PTH2R: variants seen among roughly 807,000 people sequenced by gnomAD.
PTH2R encodes PTH2 receptor.
PTH2R carries 59 observed loss-of-function variants against 60.3 expected under a neutral mutation model. The observed-to-expected ratio is 0.98, with a 90% CI of 0.79 to 1.22. PTH2R has a LOEUF of 1.22. Among genes scored for constraint, PTH2R ranks in the 50% most tolerant of loss-of-function variants. PTH2R has a pLI of 0.00. For missense variants in PTH2R, 749 were observed against 682.6 expected (o/e 1.10, Z -1.08); for synonymous variants, 256 against 243.8 (o/e 1.05, Z -0.47).
At chr2:208,491,753 T>A (rs1348266590) in intron 12 of PTH2R, among the ~76,000 whole-genome samples, 1 of 151,154 alleles carries the variant, frequency 6.6e-6, no homozygotes, top group Non-Finnish European at 1.5e-5. Context: ...GGACCCACTG[T>A]TTTACTGGGG....
chr2:208,374,829 C>A (rs1014434137), intron 1 of PTH2R, among the ~76,000 whole-genome samples: 3 of 151,982 alleles, frequency 2.0e-5, no homozygotes, highest in African/African-American at 7.3e-5. Context: ...TTTTTAAAAG[C>A]AACTAAACCA....
In PTH2R at chr2:208,448,491, G is replaced by A. The variant is rs1251928587; in HGVS notation, c.854-2258G>A. Among the ~76,000 whole-genome samples, 4 of 151,052 alleles carry A rather than the reference G, an allele frequency of 2.6e-5. No individual in the cohort carries two copies. In the South Asian group the frequency reaches 6.3e-4, roughly 24 times the overall value. On this transcript the variant is annotated intron_variant, in intron 7 of 12. Coordinates refer to ENST00000272847, the MANE Select transcript of PTH2R (RefSeq NM_005048.4). The stretch of plus-strand genomic sequence containing the variant: ...TGGTGAAACCCCGTCTCTACTAGCC[G>A]GGCGTGGCAGCGTGCGCCTGCAGTC...
At chr2:208,365,952 ATATATATATTTTTTTTTTTTTTTT>A (rs1700579303) in intron 1 of PTH2R, among the ~76,000 whole-genome samples, 1 of 19,410 alleles carries the variant, frequency 5.2e-5, no homozygotes, top group Admixed American at 9.3e-4. Flanking sequence ...ATATATATAT[ATATATATATTTTTTTTTTTTTTTT>A]TTTTTTTTTT....
At position 208,443,522 on chromosome 2, in the gene PTH2R, G is replaced by T. The variant is rs766565665; in HGVS notation, c.684G>T (p.Val228=). 1.9e-6 allele frequency: 3 copies of T among 1,604,814 alleles called. No homozygotes were observed. The African/African-American group carries it at 4.0e-5, about 22-fold the overall frequency. ...DPQNSIEATS[V]DKSQYIGCKI... is the part of the protein sequence containing the mutation. The stretch of plus-strand genomic sequence containing the variant: ...AAAATTCCATTGAGGCAACTTCTGT[G>T]GACAAATCACAATATGTAAGTGTTT... Residue 228 remains valine, a synonymous_variant, in exon 6 of 13, where the codon GTG becomes GTT. Coordinates refer to ENST00000272847, the MANE Select transcript of PTH2R (RefSeq NM_005048.4).
At chr2:208,383,234 C>T (rs971979899) in intron 1 of PTH2R, among the ~76,000 whole-genome samples, 2 of 152,052 alleles carry the variant, frequency 1.3e-5, no homozygotes, top group African/African-American at 4.8e-5. Context: ...AAAGTAAGGA[C>T]GAATTTCCTT....
At chr2:208,425,634 C>T (rs1405856989) in intron 1 of PTH2R, among the ~76,000 whole-genome samples, 1 of 152,208 alleles carries the variant, frequency 6.6e-6, no homozygotes, top group Non-Finnish European at 1.5e-5. Flanking sequence ...TCAAACACCA[C>T]CAGCTTGTCT....
chr2:208,404,730 G>A (rs777375958), upstream of PTH2R, among the ~76,000 whole-genome samples: 1 of 152,096 alleles, frequency 6.6e-6, no homozygotes. Context: ...TCGCCTTGGG[G>A]AGTACCTTTT....
chr2:208,399,536 C>CGGCGACCA, intron 1 of PTH2R, among the ~76,000 whole-genome samples: 1 of 151,978 alleles, frequency 6.6e-6, no homozygotes, highest in East Asian at 1.9e-4. Flanking sequence ...TGATTAAAAA[C>CGGCGACCA]CCTAGACACC....
At position 208,481,108 on chromosome 2, in the gene PTH2R, A is replaced by G; in HGVS notation, c.1020A>G (p.Leu340=). Residue 340 remains leucine (L), a synonymous_variant, in exon 10 of 13, where the codon CTA becomes CTG. Transcript: ENST00000272847. ...TGTTTCTGAATACGGTTAGAGTTCT[A>G]GCTACCAAAATCTGGGAGACCAATG... is the stretch of plus-strand genomic sequence containing the variant. The part of the protein sequence containing the change: ...FILFLNTVRV[L]ATKIWETNAV... 6.2e-7 allele frequency: 1 copy of G among 1,612,238 alleles called. No individual in the cohort carries two copies. Among genetic ancestry groups the G allele is most frequent in the South Asian group, 1.1e-5 (1 of 90,876 alleles).
chr2:208,447,900 C>T (rs1702321845), intron 7 of PTH2R, among the ~76,000 whole-genome samples: 1 of 152,048 alleles, frequency 6.6e-6, no homozygotes, highest in African/African-American at 2.4e-5. Flanking sequence ...TTCAACTACA[C>T]ATTTTCCTCT....
At chr2:208,421,208 C>G (rs1701748464) in intron 1 of PTH2R, among the ~76,000 whole-genome samples, 1 of 152,134 alleles carries the variant, frequency 6.6e-6, no homozygotes, top group Non-Finnish European at 1.5e-5. Flanking sequence ...TTTCTTAAAT[C>G]ATTTTCAGTT....
At chr2:208,394,505 G>C (rs1442328975) in intron 1 of PTH2R, among the ~76,000 whole-genome samples, 1 of 152,314 alleles carries the variant, frequency 6.6e-6, no homozygotes, top group Admixed American at 6.5e-5. Flanking sequence ...GGACACCCAT[G>C]ACTGCAGGCA....
At chr2:208,428,420 A>C in intron 2 of PTH2R, 117 bp downstream of exon 2, 2 of 694,608 alleles carry the variant, frequency 2.9e-6, no homozygotes, top group Non-Finnish European at 5.0e-6. Context: ...CCACATTTCC[A>C]TGTGGAGGGG....
At chr2:208,370,336 G>T (rs144269776) in intron 1 of PTH2R, among the ~76,000 whole-genome samples, 1 of 147,382 alleles carries the variant, frequency 6.8e-6, no homozygotes. Context: ...CCAGCTACTT[G>T]GGAGGCTGAG....
At chr2:208,428,179 T>G (rs768346230) in intron 1 of PTH2R, 22 bp from the exon 2 acceptor site, 1 of 1,543,522 alleles carries the variant, frequency 6.5e-7, no homozygotes, top group Non-Finnish European at 8.9e-7. Flanking sequence ...TGAAAATGTT[T>G]GTATTTTGTT....
At chr2:208,453,924 G>A (rs1702458582) in intron 8 of PTH2R, among the ~76,000 whole-genome samples, 1 of 152,100 alleles carries the variant, frequency 6.6e-6, no homozygotes, top group Non-Finnish European at 1.5e-5. Context: ...AACTTTTAAG[G>A]CCCGATCATT....
At chr2:208,478,626 T>A (rs1269119181) in intron 9 of PTH2R, among the ~76,000 whole-genome samples, 1 of 152,254 alleles carries the variant, frequency 6.6e-6, no homozygotes, top group Non-Finnish European at 1.5e-5. Context: ...TAATAGTGAT[T>A]TTAAAATTTG....
intron 11 of PTH2R, 26 bp downstream of exon 11, chr2:208,489,176 A>C (rs773230937): frequency 3.1e-6 from 5 of 1,611,782 alleles, no homozygotes; most frequent in Non-Finnish European, 4.2e-6. Context: ...TAGTCATCTG[A>C]TTCTTGTAAT....
At chr2:208,396,996 G>A (rs1047820343) in intron 1 of PTH2R, among the ~76,000 whole-genome samples, 1 of 152,164 alleles carries the variant, frequency 6.6e-6, no homozygotes, top group East Asian at 1.9e-4. Context: ...ATGAGTTTAT[G>A]TCCTTTGCCG....
Sources: gnomAD v4.1 joint callset for allele counts (sites outside exome capture counted in the v4.1 genomes callset) on GRCh38, gnomAD v4.1.1 for gene constraint, MANE v1.5 for transcripts, NCBI Gene and HGNC (gene_info 2026-07-23, HGNC 2026-07-21) for gene names.